PTPRE: variants seen among roughly 807,000 people sequenced by gnomAD.
The protein encoded by PTPRE is receptor-type tyrosine-protein phosphatase epsilon.
Under a neutral mutation model 102.0 loss-of-function variants are expected in PTPRE, and 51 were observed. The ratio of observed to expected loss-of-function variants is 0.50; its 90% confidence interval spans 0.40 to 0.63. The LOEUF is 0.63. PTPRE is among the 30% of genes least tolerant of loss of function. PTPRE has a pLI of 0.00. For missense variants in PTPRE, 752 were observed against 915.1 expected, an observed-to-expected ratio of 0.82 and a Z score of 2.30; for synonymous variants, 345 against 348.2, an observed-to-expected ratio of 0.99 and a Z score of 0.10.
In PTPRE at chr10:128,070,930, G is replaced by A; in HGVS notation, c.1387+29G>A. The A allele has an allele frequency of 6.3e-7, 1 of 1,589,002 alleles. No individual in the cohort carries two copies. Among genetic ancestry groups the A allele is most frequent in the Non-Finnish European group, 8.6e-7 (1 of 1,157,740 alleles). ...AGGCACCCGTGGCGTGGCTTGGGCAGGGCTGGGGCGGGGCTGGTGCCGGAG... is the reference window on the plus strand; with the variant it reads ...AGGCACCCGTGGCGTGGCTTGGGCAAGGCTGGGGCGGGGCTGGTGCCGGAG... On this transcript the variant is annotated intron_variant, in intron 15 of 20. Transcript: ENST00000254667. This position sits in a 1 kb window ranked among gnomAD's most constrained non-coding sequence, Gnocchi z 4.8.
intron 1 of PTPRE, among the ~76,000 whole-genome samples, chr10:127,954,901 G>A (rs1195200641): frequency 1.3e-5 from 2 of 151,808 alleles, no homozygotes; most frequent in African/African-American, 4.8e-5. Flanking sequence ...GTTCCAGAGT[G>A]AGGAGTGCTT....
intron 1 of PTPRE, among the ~76,000 whole-genome samples, chr10:127,962,981 T>C (rs1849946160): frequency 6.6e-6 from 1 of 152,078 alleles, no homozygotes; most frequent in Non-Finnish European, 1.5e-5. Flanking sequence ...TGGATTCCTA[T>C]GTAGAGGTGG....
intron 2 of PTPRE, among the ~76,000 whole-genome samples, chr10:128,010,422 C>A (rs1390832967): frequency 2.0e-5 from 3 of 152,166 alleles, no homozygotes; most frequent in African/African-American, 7.2e-5. Context: ...GCACAGATCC[C>A]ATCACCACCA....
chr10:127,918,788 G>C (rs1041373981), intron 1 of PTPRE, among the ~76,000 whole-genome samples: 1 of 152,202 alleles, frequency 6.6e-6, no homozygotes, highest in Non-Finnish European at 1.5e-5. Context: ...GCCTGCCCGC[G>C]AGGAAGAGCC....
chr10:127,944,755 C>G lies in PTPRE; in HGVS notation c.-31+37446C>G, dbSNP rs1848512305. ...ATAGCAGGCTGGTGTAGGTACAAGA[C>G]TGGAAGCAAGAGACTAGCTAGGGGG... On this transcript the variant is annotated intron_variant, in intron 1 of 20. Transcript: ENST00000254667. This position sits in a 1 kb window ranked among gnomAD's most constrained non-coding sequence, Gnocchi z 4.2. Among the ~76,000 whole-genome samples the G allele has an allele frequency of 6.6e-6, 1 of 152,100 alleles. No homozygotes were observed. The highest frequency in any genetic ancestry group is 6.5e-5 in the Admixed American group (1 of 15,268).
chr10:127,919,273 A>G (rs995511706), intron 1 of PTPRE, among the ~76,000 whole-genome samples: 1 of 152,270 alleles, frequency 6.6e-6, no homozygotes, highest in African/African-American at 2.4e-5. Flanking sequence ...AACTAGAAAC[A>G]TAATTTTTGT....
chr10:128,019,236 A>G (rs1248741888), intron 2 of PTPRE, among the ~76,000 whole-genome samples: 9 of 152,164 alleles, frequency 5.9e-5, no homozygotes, highest in Non-Finnish European at 1.3e-4. Flanking sequence ...ACTTGGGCCC[A>G]TTGCTTGGCC....
intron 1 of PTPRE, among the ~76,000 whole-genome samples, chr10:127,926,281 T>C (rs763187367): frequency 1.3e-5 from 2 of 152,278 alleles, no homozygotes; most frequent in African/African-American, 4.8e-5. Flanking sequence ...AACTGTCTTT[T>C]GCAAGGAGTA....
intron 1 of PTPRE, among the ~76,000 whole-genome samples, chr10:127,953,419 A>T (rs1849182451): frequency 6.6e-6 from 1 of 152,216 alleles, no homozygotes; most frequent in Admixed American, 6.5e-5. Flanking sequence ...AGTAGAAATG[A>T]AACACTTGAT....
At chr10:128,066,031 T>C (rs1285540109) in intron 10 of PTPRE, 44 bp from the exon 11 acceptor site, 3 of 1,614,098 alleles carry the variant, frequency 1.9e-6, no homozygotes, top group Non-Finnish European at 2.5e-6. Flanking sequence ...CATGATGCAT[T>C]GCACCCACAG....
At chr10:128,003,959 C>G (rs992491925) in intron 2 of PTPRE, among the ~76,000 whole-genome samples, 3 of 151,870 alleles carry the variant, frequency 2.0e-5, no homozygotes, top group Non-Finnish European at 4.4e-5. Flanking sequence ...GCCAGGACCA[C>G]AGAGAGGAAG....
intron 8 of PTPRE, 114 bp downstream of exon 8, chr10:128,061,129 C>A: frequency 9.7e-7 from 1 of 1,027,486 alleles, no homozygotes; most frequent in African/African-American, 1.6e-5. Flanking sequence ...GCAGTTTGGC[C>A]ACAAGCACAA....
At chr10:127,948,440 A>T (rs1337664104) in intron 1 of PTPRE, among the ~76,000 whole-genome samples, 1 of 152,134 alleles carries the variant, frequency 6.6e-6, no homozygotes, top group East Asian at 1.9e-4. Flanking sequence ...CAGATATATG[A>T]CATGTATCCA....
chr10:128,040,296 G>T (rs939350518), intron 2 of PTPRE, among the ~76,000 whole-genome samples: 4 of 152,192 alleles, frequency 2.6e-5, no homozygotes, highest in African/African-American at 9.7e-5. Context: ...GTGTGCTGGA[G>T]CAGCGAAGAA....
At chr10:128,034,016 TATAA>T (rs1846994500) in intron 2 of PTPRE, among the ~76,000 whole-genome samples, 1 of 152,216 alleles carries the variant, frequency 6.6e-6, no homozygotes, top group Non-Finnish European at 1.5e-5. Flanking sequence ...TGTCAAAATT[TATAA>T]ATAGTTACAT....
rs1850688971 is a variant in PTPRE, at chr10:128,070,686, C to G, written c.1294-122C>G. Reference sequence around the variant, plus strand: ...TATTTCCCAATGCTAAGGAGGCTTCCTGGGTTGGAGAGTGGTTTCCTTTGA... The same window carrying G: ...TATTTCCCAATGCTAAGGAGGCTTCGTGGGTTGGAGAGTGGTTTCCTTTGA... On this transcript the variant is annotated intron_variant, in intron 14 of 20. Coordinates refer to ENST00000254667, the MANE Select transcript of PTPRE (RefSeq NM_006504.6). This position sits in a 1 kb window ranked among gnomAD's most constrained non-coding sequence, Gnocchi z 4.8. 8.1e-7 allele frequency: 1 copy of G among 1,227,580 alleles called. No individual in the cohort carries two copies. The highest frequency in any genetic ancestry group is 2.2e-5 in the Admixed American group (1 of 45,100). The allele number at this position is 1,227,580 out of a possible 1,614,324, so 76.0% of individuals were successfully genotyped here.
In PTPRE at chr10:127,972,193, C is replaced by T. The variant is rs533339975; in HGVS notation, c.-30-10081C>T. 2.6e-4 allele frequency among the ~76,000 whole-genome samples: 39 copies of T among 152,248 alleles called. 1 individual carries two copies. Among genetic ancestry groups the T allele is most frequent in the East Asian group, 2.1e-3 (11 of 5,168 alleles). On this transcript the variant is annotated intron_variant, in intron 1 of 20. Coordinates refer to ENST00000254667, the MANE Select transcript of PTPRE (RefSeq NM_006504.6). ...CTGGGCAGTGACCACTTCCCCTGAC[C>T]GCTGCCTGGGGACTGCTCCTCCACA...
intron 6 of PTPRE, among the ~76,000 whole-genome samples, chr10:128,055,519 TGGGGTGTGGACAGAG>T (rs1848878189): frequency 6.6e-6 from 1 of 152,152 alleles, no homozygotes; most frequent in Non-Finnish European, 1.5e-5. Flanking sequence ...TCTGTGGGTC[TGGGGTGTGGACAGAG>T]CATCTGCATT....
At chr10:127,959,049 A>C (rs2135379981) in intron 1 of PTPRE, among the ~76,000 whole-genome samples, 1 of 152,260 alleles carries the variant, frequency 6.6e-6, no homozygotes, top group Admixed American at 6.5e-5. Flanking sequence ...GGCATGCGCC[A>C]CCACACCCCG....
Sources: allele counts gnomAD v4.1 joint callset (sites outside exome capture counted in the v4.1 genomes callset), GRCh38; gene constraint gnomAD v4.1.1; non-coding constraint Gnocchi (gnomAD v3.1); transcripts MANE v1.5; gene names NCBI Gene and HGNC (gene_info 2026-07-23, HGNC 2026-07-21).